Variants in ENOX1 observed in about 807,000 individuals in gnomAD.
The protein encoded by ENOX1 is ecto-NOX disulfide-thiol exchanger 1, also known as candidate growth-related and time keeping constitutive hydroquinone (NADH) oxidase.
A neutral mutation model predicts 82.5 loss-of-function variants in ENOX1; 42 were observed. The observed-to-expected ratio is 0.51, with a 90% CI of 0.40 to 0.66. The LOEUF (loss-of-function observed/expected upper bound fraction) is 0.66. Among genes scored for constraint, ENOX1 ranks in the 30% least tolerant of loss-of-function variants. The pLI, the probability that ENOX1 is intolerant of heterozygous loss-of-function variation, is 0.00. For synonymous variants in ENOX1, 271 were observed against 282.2 expected (o/e 0.96, Z 0.40); for missense variants, 608 against 811.6 (o/e 0.75, Z 3.05).
intron 8 of ENOX1, among the ~76,000 whole-genome samples, chr13:43,354,398 T>G (rs576909307): frequency 6.6e-6 from 1 of 151,676 alleles, no homozygotes; most frequent in Admixed American, 6.6e-5. Flanking sequence ...CAGTGGCAGC[T>G]GCAGTTGATT....
At chr13:43,361,754 A>G (rs2050524591) in intron 5 of ENOX1, among the ~76,000 whole-genome samples, 1 of 152,178 alleles carries the variant, frequency 6.6e-6, no homozygotes, top group Non-Finnish European at 1.5e-5. Context: ...TGTGAATGCA[A>G]TTTTCTATTT....
chr13:43,339,751 G>C (rs532589538), intron 9 of ENOX1, among the ~76,000 whole-genome samples: 2 of 152,174 alleles, frequency 1.3e-5, no homozygotes, highest in Admixed American at 1.3e-4. Context: ...GAATAACCAG[G>C]AGATTTCCAG....
intron 1 of ENOX1, among the ~76,000 whole-genome samples, chr13:43,737,642 G>A (rs1477167371): frequency 6.6e-6 from 1 of 152,164 alleles, no homozygotes; most frequent in Non-Finnish European, 1.5e-5. Context: ...TAAACCATGA[G>A]TGAAAAGCTG....
chr13:43,772,413 T>C (rs1270213979), intron 1 of ENOX1, among the ~76,000 whole-genome samples: 1 of 152,160 alleles, frequency 6.6e-6, no homozygotes, highest in African/African-American at 2.4e-5. Context: ...TTGTCTATTC[T>C]GTGTCTGATT....
chr13:43,685,513 C>T (rs1221778225), intron 1 of ENOX1, among the ~76,000 whole-genome samples: 2 of 152,090 alleles, frequency 1.3e-5, no homozygotes, highest in African/African-American at 4.8e-5. Flanking sequence ...CTGTTCATGG[C>T]TTACATCATG....
At chr13:43,679,891 G>A (rs2085701113) in intron 1 of ENOX1, among the ~76,000 whole-genome samples, 2 of 152,168 alleles carry the variant, frequency 1.3e-5, no homozygotes, top group South Asian at 4.1e-4. Context: ...TCTCTCACCT[G>A]AATACCATAT....
At position 43,298,533 on chromosome 13, in the gene ENOX1, G is replaced by A; in HGVS notation, c.1262-3C>T. The A allele has an allele frequency of 6.2e-7, 1 of 1,608,206 alleles. No individual in the cohort carries two copies. The highest frequency in any genetic ancestry group is 1.1e-5 in the South Asian group (1 of 89,768). On this transcript the variant is annotated splice_region_variant and splice_polypyrimidine_tract_variant and intron_variant, in intron 11 of 16. Coordinates refer to ENST00000690772, the MANE Select transcript of ENOX1 (RefSeq NM_001347969.2). The stretch of plus-strand genomic sequence containing the variant: ...AGCGTAGGCCTGGGCAGCCAGGGCT[G>A]AGGGACAAACAGAACGAGTTCAGGT...
chr13:43,511,311 A>T, intron 2 of ENOX1, among the ~76,000 whole-genome samples: 1 of 152,116 alleles, frequency 6.6e-6, no homozygotes, highest in East Asian at 1.9e-4. Context: ...TTTTATTGAG[A>T]TTTGCTTCAG....
chr13:43,722,180 A>C (rs1450673912), intron 1 of ENOX1, among the ~76,000 whole-genome samples: 1 of 152,254 alleles, frequency 6.6e-6, no homozygotes, highest in Non-Finnish European at 1.5e-5. Flanking sequence ...AGACAATGTA[A>C]GTGAAAGCAT....
intron 2 of ENOX1, among the ~76,000 whole-genome samples, chr13:43,616,923 T>G (rs1006184453): frequency 5.8e-5 from 1 of 17,214 alleles, no homozygotes; most frequent in Admixed American, 1.1e-3. Flanking sequence ...GTAAAACAAG[T>G]AAACACACAC....
chr13:43,320,535 C>T (rs1042326876), intron 11 of ENOX1, among the ~76,000 whole-genome samples: 2 of 152,230 alleles, frequency 1.3e-5, no homozygotes, highest in Admixed American at 6.5e-5. Flanking sequence ...ATGTACGTGC[C>T]GCAAGACCTC....
intron 11 of ENOX1, among the ~76,000 whole-genome samples, chr13:43,322,128 T>C (rs1439568684): frequency 6.6e-6 from 1 of 152,184 alleles, no homozygotes; most frequent in Non-Finnish European, 1.5e-5. Context: ...AGGATTTTCA[T>C]GGAAACAGGC....
chr13:43,298,818 C>A (rs766024074), intron 11 of ENOX1, among the ~76,000 whole-genome samples: 1 of 152,174 alleles, frequency 6.6e-6, no homozygotes, highest in Non-Finnish European at 1.5e-5. Context: ...ATGCTAGACA[C>A]CCTCACAGAC....
At chr13:43,311,086 G>A (rs750961192) in intron 11 of ENOX1, among the ~76,000 whole-genome samples, 1 of 151,976 alleles carries the variant, frequency 6.6e-6, no homozygotes, top group Non-Finnish European at 1.5e-5. Flanking sequence ...ATACTTTGGG[G>A]ACTACTGGGT....
chr13:43,377,665 C>CTAG (rs1470663920), intron 5 of ENOX1, among the ~76,000 whole-genome samples: 1 of 152,164 alleles, frequency 6.6e-6, no homozygotes, highest in Non-Finnish European at 1.5e-5. Flanking sequence ...AGGCAAGGTG[C>CTAG]TAGGCATTTT....
At chr13:43,611,043 G>C in intron 2 of ENOX1, among the ~76,000 whole-genome samples, 1 of 152,108 alleles carries the variant, frequency 6.6e-6, no homozygotes, top group East Asian at 1.9e-4. Context: ...AATAAAGATA[G>C]TTCAATAATG....
In ENOX1 at chr13:43,528,062, A is replaced by T. The variant is rs374023251; in HGVS notation, c.-218-43910T>A. ...TTTCAGTTCAAAATTGAATGTTTTC[A>T]TTCACTTGTATGTAGAAAAGACTCA... On this transcript the variant is annotated intron_variant, in intron 2 of 16. Transcript: ENST00000690772. Among the ~76,000 whole-genome samples the T allele has an allele frequency of 3.9e-4, 60 of 152,228 alleles. 2 individuals carry two copies. In the East Asian group the frequency reaches 9.3e-3, roughly 24 times the overall value.
chr13:43,579,282 A>T (rs2080592257), intron 2 of ENOX1, among the ~76,000 whole-genome samples: 1 of 152,204 alleles, frequency 6.6e-6, no homozygotes, highest in Admixed American at 6.5e-5. Context: ...GGAGTAAGTT[A>T]TCTGTACCCA....
chr13:43,642,819 C>T (rs780400013), intron 2 of ENOX1, among the ~76,000 whole-genome samples: 2 of 152,170 alleles, frequency 1.3e-5, no homozygotes, highest in African/African-American at 2.4e-5. Flanking sequence ...AATTTTCCTG[C>T]CTAATAGAGC....
Sources: allele counts gnomAD v4.1 joint callset (sites outside exome capture counted in the v4.1 genomes callset), GRCh38; gene constraint gnomAD v4.1.1; transcripts MANE v1.5; gene names NCBI Gene and HGNC (gene_info 2026-07-23, HGNC 2026-07-21).